MACROD2: variants seen among roughly 807,000 people sequenced by gnomAD.
The protein encoded by MACROD2 is ADP-ribose glycohydrolase MACROD2.
Under a neutral mutation model 70.4 loss-of-function variants are expected in MACROD2, and 36 were observed. That is an observed-to-expected ratio of 0.51 (90% CI 0.39 to 0.68). MACROD2 has a LOEUF of 0.68. Ranked by LOEUF, MACROD2 falls within the 30% of genes least tolerant of loss-of-function variation. MACROD2 has a pLI of 0.00. For synonymous variants in MACROD2, 172 were observed against 178.8 expected, an observed-to-expected ratio of 0.96 and a Z score of 0.30; for missense variants, 496 against 538.4, an observed-to-expected ratio of 0.92 and a Z score of 0.78.
At chr20:14,296,236 G>A (rs1248619704) in intron 3 of MACROD2, among the ~76,000 whole-genome samples, 2 of 151,750 alleles carry the variant, frequency 1.3e-5, no homozygotes, top group Non-Finnish European at 2.9e-5. Context: ...GGGAAAATTC[G>A]ATATCATCTG....
chr20:15,773,413 C>T (rs2147023193), intron 8 of MACROD2, among the ~76,000 whole-genome samples: 1 of 152,072 alleles, frequency 6.6e-6, no homozygotes, highest in East Asian at 1.9e-4. Context: ...TCATTTGGGG[C>T]TCTGACATCT....
intron 3 of MACROD2, among the ~76,000 whole-genome samples, chr20:14,488,449 T>G (rs2084759404): frequency 6.6e-6 from 1 of 152,244 alleles, no homozygotes; most frequent in African/African-American, 2.4e-5. Flanking sequence ...ATAATAGAAC[T>G]GTAGGAATTG....
intron 6 of MACROD2, among the ~76,000 whole-genome samples, chr20:15,254,130 A>G (rs189334129): frequency 7.2e-5 from 11 of 152,294 alleles, no homozygotes; most frequent in Non-Finnish European, 1.3e-4. Context: ...AAACGAGTTT[A>G]TTAGTGAAAC....
At chr20:14,290,160 A>G (rs562385491) in intron 3 of MACROD2, among the ~76,000 whole-genome samples, 5 of 152,322 alleles carry the variant, frequency 3.3e-5, no homozygotes, top group Admixed American at 6.5e-5. Context: ...AGAGAAGGCA[A>G]TGATTTGGAA....
rs113788412 is a variant in MACROD2, at chr20:15,546,710, A to G, written c.645+46863A>G. Reference sequence around the variant, plus strand: ...ATGTTTTGAAACATGCTTCCTTTTGATGCCAGCTCTTTAGAGGTTGCTGCA... The same window carrying G: ...ATGTTTTGAAACATGCTTCCTTTTGGTGCCAGCTCTTTAGAGGTTGCTGCA... On this transcript the variant is annotated intron_variant, in intron 8 of 17. Coordinates refer to ENST00000684519, the MANE Select transcript of MACROD2 (RefSeq NM_001351661.2). Among the ~76,000 whole-genome samples, 254 of 152,274 alleles carry G rather than the reference A, an allele frequency of 1.7e-3. 1 individual carries two copies. Among genetic ancestry groups the G allele is most frequent in the African/African-American group, 5.7e-3 (237 of 41,572 alleles).
intron 5 of MACROD2, among the ~76,000 whole-genome samples, chr20:14,862,062 T>TAAATATATAA (rs2073333968): frequency 3.5e-5 from 1 of 28,606 alleles, no homozygotes; most frequent in African/African-American, 1.6e-4. Context: ...TATATATATA[T>TAAATATATAA]AAATATATAT....
chr20:15,276,895 G>A (rs576324448), intron 6 of MACROD2, among the ~76,000 whole-genome samples: 10 of 152,246 alleles, frequency 6.6e-5, no homozygotes, highest in East Asian at 1.9e-4. Flanking sequence ...AGTGATTGGC[G>A]TAATTTATCT....
chr20:15,931,030 G>A (rs1215427835), intron 10 of MACROD2, among the ~76,000 whole-genome samples: 1 of 152,142 alleles, frequency 6.6e-6, no homozygotes, highest in Non-Finnish European at 1.5e-5. Flanking sequence ...CATGGCTATT[G>A]TGAAATGTGT....
At chr20:15,595,490 A>G (rs1000244044) in intron 8 of MACROD2, among the ~76,000 whole-genome samples, 3 of 152,194 alleles carry the variant, frequency 2.0e-5, no homozygotes, top group African/African-American at 7.2e-5. Flanking sequence ...ATTCATTGCA[A>G]CATTATTTAT....
chr20:15,791,409 T>G (rs1357340111), intron 8 of MACROD2, among the ~76,000 whole-genome samples: 1 of 151,838 alleles, frequency 6.6e-6, no homozygotes, highest in Admixed American at 6.6e-5. Context: ...TGTGTCACTA[T>G]GAAGTAAATG....
intron 5 of MACROD2, among the ~76,000 whole-genome samples, chr20:14,838,727 C>G (rs777018691): frequency 6.6e-6 from 1 of 152,076 alleles, no homozygotes; most frequent in Admixed American, 6.5e-5. Flanking sequence ...TTCACTGTCC[C>G]TTATGAGCAT....
At chr20:15,463,865 G>T (rs1466471845) in intron 7 of MACROD2, among the ~76,000 whole-genome samples, 1 of 152,164 alleles carries the variant, frequency 6.6e-6, no homozygotes, top group Admixed American at 6.5e-5. Flanking sequence ...AACTTCCCCT[G>T]CTATTAAGCA....
chr20:15,674,739 CTATG>C (rs963982836), intron 8 of MACROD2, among the ~76,000 whole-genome samples: 17 of 136,788 alleles, frequency 1.2e-4, no homozygotes, highest in Non-Finnish European at 1.9e-4. Flanking sequence ...GTGTGTGTGT[CTATG>C]TGTGTGTGTG....
At chr20:14,127,761 G>A in intron 3 of MACROD2, 1 of 436,594 alleles carries the variant, frequency 2.3e-6, no homozygotes, top group Non-Finnish European at 4.4e-6. Flanking sequence ...ACAGATAAAA[G>A]GAGGAGCAGG....
chr20:14,396,245 T>A (rs2083578415), intron 3 of MACROD2, among the ~76,000 whole-genome samples: 1 of 152,260 alleles, frequency 6.6e-6, no homozygotes, highest in Non-Finnish European at 1.5e-5. Flanking sequence ...AGTCAAGTGG[T>A]TGATAGTTTT....
intron 2 of MACROD2, chr20:14,003,801 T>C: frequency 2.6e-6 from 1 of 380,574 alleles, no homozygotes; most frequent in Non-Finnish European, 5.0e-6. Flanking sequence ...AAGGTCTGGT[T>C]AAGACATCAT....
intron 8 of MACROD2, among the ~76,000 whole-genome samples, chr20:15,831,987 G>T (rs1317133119): frequency 6.6e-6 from 1 of 152,072 alleles, no homozygotes; most frequent in Non-Finnish European, 1.5e-5. Flanking sequence ...GGGTTTGTTG[G>T]ACTTAATATC....
At chr20:15,435,402 CAA>C (rs1378357961) in intron 7 of MACROD2, among the ~76,000 whole-genome samples, 1 of 152,032 alleles carries the variant, frequency 6.6e-6, no homozygotes, top group Non-Finnish European at 1.5e-5. Flanking sequence ...AACACACACA[CAA>C]AAGAATTGTT....
At chr20:15,528,258 C>T (rs2047748399) in intron 8 of MACROD2, among the ~76,000 whole-genome samples, 1 of 152,172 alleles carries the variant, frequency 6.6e-6, no homozygotes, top group South Asian at 2.1e-4. Context: ...CCTCAGCCTC[C>T]TGAGTAGCTG....
Sources: allele counts gnomAD v4.1 joint callset (sites outside exome capture counted in the v4.1 genomes callset), GRCh38; gene constraint gnomAD v4.1.1; transcripts MANE v1.5; gene names NCBI Gene and HGNC (gene_info 2026-07-23, HGNC 2026-07-21).